PTPN14: variants seen among roughly 807,000 people sequenced by gnomAD.
PTPN14 encodes the protein protein tyrosine phosphatase non-receptor type 14.
A neutral mutation model predicts 126.8 loss-of-function variants in PTPN14; 53 were observed. The ratio of observed to expected loss-of-function variants is 0.42; its 90% CI spans 0.34 to 0.53. The LOEUF (loss-of-function observed/expected upper bound fraction) is 0.53. Ranked by LOEUF, PTPN14 falls within the 20% of genes least tolerant of loss-of-function variation. The probability of loss-of-function intolerance (pLI) is 0.08; values close to 1 mark genes in which losing one functional copy is unlikely to be tolerated. For synonymous variants in PTPN14, 630 were observed against 599.3 expected, an observed-to-expected ratio of 1.05 and a Z score of -0.75; for missense variants, 1,257 against 1,552.9, an observed-to-expected ratio of 0.81 and a Z score of 3.20.
intron 1 of PTPN14, among the ~76,000 whole-genome samples, chr1:214,479,211 G>A (rs1348260305): frequency 1.3e-5 from 2 of 152,104 alleles, no homozygotes; most frequent in Non-Finnish European, 2.9e-5. Context: ...ACTGAATGTG[G>A]TGGTGCATGC....
chr1:214,432,705 G>T (rs1201700510), intron 3 of PTPN14, among the ~76,000 whole-genome samples: 1 of 151,560 alleles, frequency 6.6e-6, no homozygotes, highest in East Asian at 1.9e-4. Context: ...ACATCAAAGA[G>T]CATATACTGT....
intron 1 of PTPN14, among the ~76,000 whole-genome samples, chr1:214,544,164 G>T (rs184582441): frequency 6.6e-6 from 1 of 152,330 alleles, no homozygotes; most frequent in South Asian, 2.1e-4. Flanking sequence ...AGGGGCCCAC[G>T]CCTGGAATCC....
At chr1:214,520,065 A>AAATATATATATATAT in intron 1 of PTPN14, among the ~76,000 whole-genome samples, 5 of 71,102 alleles carry the variant, frequency 7.0e-5, no homozygotes, top group African/African-American at 1.5e-4. Flanking sequence ...AAAAAAAAAA[A>AAATATATATATATAT]ATATATATAT....
chr1:214,477,437 C>T (rs12755958), intron 1 of PTPN14, among the ~76,000 whole-genome samples: 15,217 of 152,238 alleles, frequency 0.1, 942 homozygotes, highest in Middle Eastern at 0.22. Flanking sequence ...ACACACAACA[C>T]ACACATACCC....
intron 13 of PTPN14, among the ~76,000 whole-genome samples, chr1:214,381,719 G>A (rs1258759344): frequency 1.3e-5 from 2 of 152,208 alleles, no homozygotes; most frequent in African/African-American, 4.8e-5. Flanking sequence ...TGGAAATGAA[G>A]GTGGCCTAAT....
chr1:214,436,105 C>A (rs1271112485), intron 3 of PTPN14, among the ~76,000 whole-genome samples: 1 of 152,134 alleles, frequency 6.6e-6, no homozygotes, highest in Non-Finnish European at 1.5e-5. Context: ...AACATGGATG[C>A]AGGTGGAGGT....
At chr1:214,526,532 GA>G (rs57563748) in intron 1 of PTPN14, among the ~76,000 whole-genome samples, 5 of 141,540 alleles carry the variant, frequency 3.5e-5, no homozygotes, top group South Asian at 2.2e-4. Flanking sequence ...ATGGTTAAAA[GA>G]AAAAAAAAAT....
At position 214,416,830 on chromosome 1, in the gene PTPN14, A is replaced by C. The variant is rs114639687; in HGVS notation, c.345-2104T>G. Reference sequence around the variant, plus strand: ...CAGTTTTATAAAATATTATAATTCTATCGAATATGATGACTAAATTTGACA... The same window carrying C: ...CAGTTTTATAAAATATTATAATTCTCTCGAATATGATGACTAAATTTGACA... On this transcript the variant is annotated intron_variant, in intron 3 of 18. Coordinates refer to ENST00000366956, the MANE Select transcript of PTPN14 (RefSeq NM_005401.5). Among the ~76,000 whole-genome samples, 779 of 152,332 alleles carry C rather than the reference A, an allele frequency of 5.1e-3. 5 individuals carry two copies. The highest frequency in any genetic ancestry group is 0.018 in the African/African-American group (744 of 41,584).
At chr1:214,501,246 T>C (rs970958754) in intron 1 of PTPN14, among the ~76,000 whole-genome samples, 2 of 152,152 alleles carry the variant, frequency 1.3e-5, no homozygotes, top group Non-Finnish European at 2.9e-5. Flanking sequence ...AGAGTAAGTA[T>C]TCTTTTTTTT....
intron 1 of PTPN14, among the ~76,000 whole-genome samples, chr1:214,509,452 G>A (rs1195182787): frequency 6.6e-6 from 1 of 152,178 alleles, no homozygotes; most frequent in Non-Finnish European, 1.5e-5. Flanking sequence ...GGCTTAGCTC[G>A]GGATTAGGCT....
intron 5 of PTPN14, among the ~76,000 whole-genome samples, chr1:214,407,312 G>A (rs972696800): frequency 6.6e-6 from 1 of 152,098 alleles, no homozygotes; most frequent in Non-Finnish European, 1.5e-5. Flanking sequence ...ATCACCTGAG[G>A]TTAGGAGTTC....
intron 1 of PTPN14, among the ~76,000 whole-genome samples, chr1:214,496,808 G>T (rs1437982022): frequency 6.6e-6 from 1 of 151,916 alleles, no homozygotes; most frequent in African/African-American, 2.4e-5. Flanking sequence ...AACTGCTTTG[G>T]TAAGTTATAA....
intron 1 of PTPN14, among the ~76,000 whole-genome samples, chr1:214,493,967 C>T (rs992136275): frequency 1.3e-5 from 2 of 152,172 alleles, no homozygotes; most frequent in Admixed American, 6.6e-5. Context: ...ACTCAATTTA[C>T]GTGGACACAT....
intron 1 of PTPN14, among the ~76,000 whole-genome samples, chr1:214,501,560 C>T (rs1654699595): frequency 1.3e-5 from 2 of 152,100 alleles, no homozygotes; most frequent in African/African-American, 4.8e-5. Flanking sequence ...AGTAAGTATT[C>T]TATGAACAAT....
intron 3 of PTPN14, among the ~76,000 whole-genome samples, chr1:214,442,573 C>G (rs1007074693): frequency 2.0e-5 from 3 of 152,080 alleles, no homozygotes; most frequent in Admixed American, 2.0e-4. Context: ...TTTTGAAATT[C>G]TGAGTTTCCT....
chr1:214,524,758 C>T (rs191492729), intron 1 of PTPN14, among the ~76,000 whole-genome samples: 169 of 152,238 alleles, frequency 1.1e-3, no homozygotes, highest in Non-Finnish European at 2.1e-3. Flanking sequence ...GACTATGCTC[C>T]TCTCCAGCAA....
chr1:214,459,767 G>A (rs957481852), intron 2 of PTPN14, among the ~76,000 whole-genome samples: 6 of 152,224 alleles, frequency 3.9e-5, no homozygotes, highest in South Asian at 2.1e-4. Flanking sequence ...ACGCCTGGCC[G>A]ATCCCCACTC....
chr1:214,479,018 A>G (rs1417127393), intron 1 of PTPN14, among the ~76,000 whole-genome samples: 2 of 145,064 alleles, frequency 1.4e-5, no homozygotes, highest in African/African-American at 5.0e-5. Context: ...ATTTTGCTTA[A>G]AAAAAAAAAA....
intron 11 of PTPN14, among the ~76,000 whole-genome samples, chr1:214,388,802 G>T (rs1412376840): frequency 1.3e-5 from 2 of 152,098 alleles, no homozygotes; most frequent in African/African-American, 2.4e-5. Flanking sequence ...ATCCAGCAGG[G>T]GTCACACTTT....
Sources: allele counts gnomAD v4.1 joint callset (sites outside exome capture counted in the v4.1 genomes callset), GRCh38; gene constraint gnomAD v4.1.1; transcripts MANE v1.5; gene names NCBI Gene and HGNC (gene_info 2026-07-23, HGNC 2026-07-21).